The following HS3ST2 variants were observed in gnomAD, a reference collection of about 807,000 sequenced individuals.
The protein encoded by HS3ST2 is heparan sulfate-glucosamine 3-sulfotransferase 2.
Under a neutral mutation model 26.3 loss-of-function variants are expected in HS3ST2, and 17 were observed. The ratio of observed to expected loss-of-function variants is 0.65; its 90% CI spans 0.44 to 0.97. The LOEUF (loss-of-function observed/expected upper bound fraction) is 0.97, where lower values mean the gene tolerates loss of function less well. Among genes scored for constraint, HS3ST2 ranks in the 50% least tolerant of loss-of-function variants. HS3ST2 has a pLI of 0.00. For synonymous variants in HS3ST2, 237 were observed against 219.2 expected, an observed-to-expected ratio of 1.08 and a Z score of -0.72; for missense variants, 402 against 501.2, an observed-to-expected ratio of 0.80 and a Z score of 1.89.
rs369977083 is a variant in HS3ST2 at position 22,888,377 on chromosome 16, T to TC, written c.486-26567_486-26566insC. ...TCAAGAATGTCTCTGGCTTTTCTTTTTTTTTTTTTTTTTTTCTTTTTTTTT... is the reference window on the plus strand; with the variant it reads ...TCAAGAATGTCTCTGGCTTTTCTTTTCTTTTTTTTTTTTTTTCTTTTTTTTT... On this transcript the variant is annotated intron_variant, in intron 1 of 1. Coordinates refer to ENST00000261374, the MANE Select transcript of HS3ST2 (RefSeq NM_006043.2). Among the ~76,000 whole-genome samples the TC allele has an allele frequency of 8.9e-3, 763 of 85,634 alleles. 3 individuals are homozygous for TC. The highest frequency in any genetic ancestry group is 0.039 in the African/African-American group (735 of 18,784). 56.2% of individuals were successfully genotyped at this position (85,634 alleles called of 152,430 possible).
At chr16:22,906,403 G>A (rs1043801504) in intron 1 of HS3ST2, among the ~76,000 whole-genome samples, 2 of 30,732 alleles carry the variant, frequency 6.5e-5, no homozygotes, top group African/African-American at 3.5e-4. Flanking sequence ...AAAATTTCAG[G>A]TACCTGGGCC....
intron 1 of HS3ST2, among the ~76,000 whole-genome samples, chr16:22,825,549 G>A (rs1309219692): frequency 6.6e-6 from 1 of 152,212 alleles, no homozygotes; most frequent in East Asian, 1.9e-4. Flanking sequence ...AATTCATTTA[G>A]GGGAATTTGG....
At chr16:22,860,917 G>A (rs1029579476) in intron 1 of HS3ST2, among the ~76,000 whole-genome samples, 3 of 151,574 alleles carry the variant, frequency 2.0e-5, no homozygotes, top group Non-Finnish European at 2.9e-5. Context: ...TTGTCGCCCA[G>A]GCTGGAGTGC....
chr16:22,871,341 C>T lies in HS3ST2; in HGVS notation c.486-43603C>T, dbSNP rs35632830. Among the ~76,000 whole-genome samples, 561 of 138,140 alleles carry T rather than the reference C, an allele frequency of 4.1e-3. 3 individuals carry two copies. Among genetic ancestry groups the T allele is most frequent in the Middle Eastern group, 7.1e-3 (2 of 280 alleles). 90.6% of individuals were successfully genotyped at this position (138,140 alleles called of 152,430 possible). A position where few individuals can be genotyped will look rare whatever the true frequency, so the allele number is the denominator to read the frequency against. Reference sequence around the variant, plus strand: ...ACTGTATTCTAGCCTGGCGACAGAGCGACACTCTGTTTCAAAAAAAAAAAA... The same window carrying T: ...ACTGTATTCTAGCCTGGCGACAGAGTGACACTCTGTTTCAAAAAAAAAAAA... On this transcript the variant is annotated intron_variant, in intron 1 of 1. Coordinates refer to ENST00000261374, the MANE Select transcript of HS3ST2 (RefSeq NM_006043.2).
chr16:22,816,986 C>T (rs1021761502), intron 1 of HS3ST2, among the ~76,000 whole-genome samples: 1 of 152,166 alleles, frequency 6.6e-6, no homozygotes, highest in Non-Finnish European at 1.5e-5. Flanking sequence ...AAACAGCATA[C>T]CTCAGGCTTC....
At chr16:22,891,127 A>G (rs985145159) in intron 1 of HS3ST2, among the ~76,000 whole-genome samples, 2 of 152,226 alleles carry the variant, frequency 1.3e-5, no homozygotes, top group African/African-American at 4.8e-5. Flanking sequence ...GAGGCTGTGT[A>G]CTTGCCTATC....
intron 1 of HS3ST2, among the ~76,000 whole-genome samples, chr16:22,848,516 A>G (rs1567487135): frequency 7.0e-6 from 1 of 142,454 alleles, no homozygotes; most frequent in Non-Finnish European, 1.5e-5. Context: ...GAACTTCCAT[A>G]CAGCATTTTT....
intron 1 of HS3ST2, among the ~76,000 whole-genome samples, chr16:22,860,912 G>A (rs28416252): frequency 0.12 from 18,781 of 151,094 alleles, 1,461 homozygotes; most frequent in African/African-American, 0.22. Context: ...TTAGTTTGTC[G>A]CCCAGGCTGG....
chr16:22,877,570 A>T (rs779672425), intron 1 of HS3ST2, among the ~76,000 whole-genome samples: 53 of 152,182 alleles, frequency 3.5e-4, no homozygotes, highest in Non-Finnish European at 6.5e-4. Context: ...AATCCAAGAG[A>T]GTTGTAGGAC....
At chr16:22,842,104 C>G (rs1901368137) in intron 1 of HS3ST2, among the ~76,000 whole-genome samples, 1 of 142,386 alleles carries the variant, frequency 7.0e-6, no homozygotes, top group Non-Finnish European at 1.5e-5. Context: ...TGCTGTTACC[C>G]AGGCTGGAGT....
chr16:22,883,180 G>C (rs992781258), intron 1 of HS3ST2, among the ~76,000 whole-genome samples: 1 of 152,166 alleles, frequency 6.6e-6, no homozygotes, highest in Non-Finnish European at 1.5e-5. Flanking sequence ...AGCCATTCTT[G>C]CCTCTGAGAA....
At chr16:22,840,635 A>G (rs989239374) in intron 1 of HS3ST2, among the ~76,000 whole-genome samples, 1 of 152,212 alleles carries the variant, frequency 6.6e-6, no homozygotes, top group East Asian at 1.9e-4. Context: ...CAGGGTGCAT[A>G]CAAGAGGTGA....
chr16:22,872,714 A>T (rs1445780979), intron 1 of HS3ST2, among the ~76,000 whole-genome samples: 1 of 152,206 alleles, frequency 6.6e-6, no homozygotes, highest in Non-Finnish European at 1.5e-5. Context: ...TGCCTCATTG[A>T]GGATGGGGAG....
Position 22,880,133 on chromosome 16 carries a change from G to C in HS3ST2, c.486-34811G>C, listed in dbSNP as rs563948823. On this transcript the variant is annotated intron_variant, in intron 1 of 1. Coordinates refer to ENST00000261374, the MANE Select transcript of HS3ST2 (RefSeq NM_006043.2). ...TTGATTTGTCTTCTTTCCAATAAAA[G>C]TGTGGGGGCCGGGAGTAGCTCATTC... Among the ~76,000 whole-genome samples the C allele has an allele frequency of 7.9e-5, 12 of 152,220 alleles. No homozygotes were observed. In the South Asian group the frequency reaches 2.5e-3, roughly 32 times the overall value.
intron 1 of HS3ST2, among the ~76,000 whole-genome samples, chr16:22,844,635 A>C (rs1050917426): frequency 6.6e-6 from 1 of 152,040 alleles, no homozygotes; most frequent in African/African-American, 2.4e-5. Flanking sequence ...TGTTCTCGTG[A>C]TGGTGAGTGA....
At chr16:22,823,033 C>G (rs991458041) in intron 1 of HS3ST2, among the ~76,000 whole-genome samples, 20 of 152,056 alleles carry the variant, frequency 1.3e-4, no homozygotes, top group African/African-American at 4.6e-4. Flanking sequence ...TAAAGATATG[C>G]TATGGATTTG....
At position 22,814,843 on chromosome 16, in the gene HS3ST2, C is replaced by G. The variant is rs929267981; in HGVS notation, c.233C>G (p.Pro78Arg). ...TCCCGCCCCTGTGATCCCTCCGGGC[C>G]GACGCCCAGCGAGCCCAGCGCTCCC... is the stretch of plus-strand genomic sequence containing the variant. ...QKSRPCDPSG[P>R]TPSEPSAPSA... Residue 78 changes from proline (P) to arginine (R), a missense_variant, in exon 1 of 2, where the codon CCG becomes CGG. This residue lies in a region of HS3ST2 where 165 missense variants were observed against 154.6 expected (regional missense o/e 1.07). Coordinates refer to ENST00000261374, the MANE Select transcript of HS3ST2 (RefSeq NM_006043.2). 1.3e-6 allele frequency: 2 copies of G among 1,565,122 alleles called. No homozygotes were observed. The highest frequency in any genetic ancestry group is 1.7e-6 in the Non-Finnish European group (2 of 1,155,686).
intron 1 of HS3ST2, among the ~76,000 whole-genome samples, chr16:22,886,290 A>T (rs1053522308): frequency 6.6e-6 from 1 of 152,178 alleles, no homozygotes; most frequent in African/African-American, 2.4e-5. Context: ...CTCTGATACT[A>T]ATGGGCAGAA....
In HS3ST2 at chr16:22,897,230, G is replaced by A. The variant is rs140387117; in HGVS notation, c.486-17714G>A. 2.9e-3 allele frequency among the ~76,000 whole-genome samples: 445 copies of A among 152,232 alleles called. 11 individuals carry two copies. The East Asian group carries it at 0.033, about 11-fold the overall frequency. ...TCTTTCTTTTCCTTTATCACAAGTT[G>A]TAATTATTTTTTTTTATTTTGCCCA... On this transcript the variant is annotated intron_variant, in intron 1 of 1. Transcript: ENST00000261374.
Sources: allele counts gnomAD v4.1 joint callset (sites outside exome capture counted in the v4.1 genomes callset), GRCh38; gene constraint gnomAD v4.1.1; regional missense constraint gnomAD v4.1.1; transcripts MANE v1.5; gene names NCBI Gene and HGNC (gene_info 2026-07-23, HGNC 2026-07-21).